The following MROH1 variants were observed in gnomAD, a reference collection of about 807,000 sequenced individuals.
The protein encoded by MROH1 is maestro heat like repeat family member 1.
In MROH1, 117 loss-of-function variants were observed where a neutral mutation model predicts 116.5. The observed-to-expected ratio is 1.00, with a 90% CI of 0.86 to 1.17. The LOEUF (loss-of-function observed/expected upper bound fraction) is 1.17. MROH1 is among the 50% of genes most tolerant of loss of function. The pLI is 0.00. For missense variants in MROH1, 1,873 were observed against 1,338.5 expected (o/e 1.40, Z -6.23); for synonymous variants, 921 against 583.9 (o/e 1.58, Z -8.32).
chr8:144,178,411 C>T (rs943085796), intron 4 of MROH1, among the ~76,000 whole-genome samples: 20 of 148,376 alleles, frequency 1.3e-4, no homozygotes, highest in Non-Finnish European at 2.4e-4. Context: ...AGATTACAGG[C>T]GTGAGCCACC....
intron 12 of MROH1, chr8:144,213,079 G>A (rs373393781): frequency 5.8e-5 from 45 of 778,478 alleles, no homozygotes; most frequent in Non-Finnish European, 1.0e-4. Context: ...GTGCTGCTCC[G>A]CAGCCTGCTG....
At chr8:144,256,561 G>A (rs1430503836) in intron 35 of MROH1, among the ~76,000 whole-genome samples, 5 of 152,354 alleles carry the variant, frequency 3.3e-5, no homozygotes, top group Admixed American at 6.5e-5. Flanking sequence ...AGTGGAAAAT[G>A]TGAATGGGAT....
At chr8:144,222,731 C>T (rs1310852337) in intron 13 of MROH1, among the ~76,000 whole-genome samples, 2 of 151,924 alleles carry the variant, frequency 1.3e-5, no homozygotes, top group Admixed American at 6.6e-5. Context: ...GATGCAGGCA[C>T]AGGTGCAAGT....
In MROH1 at chr8:144,215,904, G is replaced by C. The variant is rs186365647; in HGVS notation, c.1142-4696G>C. ...AAAAAAAAGAAAAATAATGAAACAC[G>C]GGCTGGGTGCGGTGGCTCACGCCTG... On this transcript the variant is annotated intron_variant, in intron 12 of 43. Transcript: ENST00000326134. Among the ~76,000 whole-genome samples the C allele has an allele frequency of 2.2e-3, 308 of 140,052 alleles. 1 individual carries two copies. Among genetic ancestry groups the C allele is most frequent in the African/African-American group, 7.8e-3 (295 of 37,612 alleles). 91.9% of individuals were successfully genotyped at this position (140,052 alleles called of 152,430 possible).
chr8:144,246,099 CTTCCTTTCT>C (rs1400021184), intron 29 of MROH1, among the ~76,000 whole-genome samples: 20 of 128,614 alleles, frequency 1.6e-4, no homozygotes, highest in East Asian at 5.3e-4. Context: ...CCTTTCCTTC[CTTCCTTTCT>C]TTCCTTTCTT....
At chr8:144,178,293 G>A (rs993803749) in intron 4 of MROH1, among the ~76,000 whole-genome samples, 14 of 152,176 alleles carry the variant, frequency 9.2e-5, no homozygotes, top group African/African-American at 2.9e-4. Context: ...CACCACACAC[G>A]GCTAATTTTT....
At position 144,163,916 on chromosome 8, in the gene MROH1, C is replaced by A; in HGVS notation, c.22+68C>A. ...CTTGCCTCTGGGTGGTCAGGGCAGG[C>A]CAAGGCTCTTACCAGCTCCAATGGT... On this transcript the variant is annotated intron_variant, in intron 3 of 43. Coordinates refer to ENST00000326134, the MANE Select transcript of MROH1 (RefSeq NM_032450.3). This position sits in a 1 kb window ranked among gnomAD's most constrained non-coding sequence, Gnocchi z 4.4. 2 of 1,556,924 alleles carry A rather than the reference C, an allele frequency of 1.3e-6. No individual in the cohort carries two copies. The highest frequency in any genetic ancestry group is 1.8e-6 in the Non-Finnish European group (2 of 1,131,636).
chr8:144,248,835 G>T (rs1235905118), intron 31 of MROH1, 42 bp from the exon 32 acceptor site: 4 of 770,258 alleles, frequency 5.2e-6, no homozygotes, highest in African/African-American at 3.4e-5. Flanking sequence ...GGCGTTGGGG[G>T]TGCCCCCCTT....
chr8:144,202,878 T>C (rs1391801116), intron 12 of MROH1, among the ~76,000 whole-genome samples: 1 of 47,000 alleles, frequency 2.1e-5, no homozygotes, highest in Non-Finnish European at 3.9e-5. Flanking sequence ...CCAATGTCTG[T>C]GGAGGGGCAG....
At chr8:144,225,910 G>GTTTTTTTT (rs764956904) in intron 14 of MROH1, among the ~76,000 whole-genome samples, 1 of 87,554 alleles carries the variant, frequency 1.1e-5, no homozygotes, top group Non-Finnish European at 2.1e-5. Context: ...TTCATTTTTA[G>GTTTTTTTT]TTTTTTTTTT....
intron 10 of MROH1, among the ~76,000 whole-genome samples, chr8:144,195,277 A>C (rs553221800): frequency 7.5e-4 from 109 of 145,716 alleles, no homozygotes; most frequent in Non-Finnish European, 9.0e-4. Flanking sequence ...CAAGGCAGGC[A>C]GATCACGAGG....
In MROH1 at chr8:144,260,189, C is replaced by G; in HGVS notation, c.4195C>G (p.Arg1399Gly). 1.3e-6 allele frequency: 1 copy of G among 764,836 alleles called. No individual in the cohort carries two copies. The highest frequency in any genetic ancestry group is 1.7e-5 in the Admixed American group (1 of 58,986). 47.4% of individuals were successfully genotyped at this position (764,836 alleles called of 1,614,324 possible). The change falls in exon 39 of 44, where the codon CGA becomes GGA. Residue 1399 changes from arginine (R) to glycine (G), a missense_variant. Coordinates refer to ENST00000326134, the MANE Select transcript of MROH1 (RefSeq NM_032450.3). ...GCTGAGTGTAAGGTATCCTCAGGTG[C>G]GAACCCACGGCCCCCAGCTCCTCAC... is the stretch of plus-strand genomic sequence containing the variant. Reference protein sequence around the residue: ...NLASGCPDKVRTHGPQLLTAM... With the variant: ...NLASGCPDKVGTHGPQLLTAM...
intron 19 of MROH1, 58 bp downstream of exon 19, chr8:144,240,211 G>T (rs935319186): frequency 3.0e-5 from 21 of 706,766 alleles, no homozygotes; most frequent in East Asian, 1.5e-4. Flanking sequence ...CCTGGGGGGT[G>T]CTGGGGTGGC....
At chr8:144,243,379 T>G in intron 24 of MROH1, 115 bp from the exon 25 acceptor site, 1 of 709,896 alleles carries the variant, frequency 1.4e-6, no homozygotes, top group Non-Finnish European at 2.6e-6. Context: ...GCTAGAGAGC[T>G]CCTTTGAGAG....
intron 1 of MROH1, among the ~76,000 whole-genome samples, chr8:144,155,892 C>T (rs970820611): frequency 5.9e-5 from 9 of 151,370 alleles, no homozygotes; most frequent in South Asian, 2.1e-4. Context: ...CTCAGCCTCC[C>T]GGAGTGCTGG....
chr8:144,158,097 A>G (rs1818623846), intron 1 of MROH1, among the ~76,000 whole-genome samples: 1 of 144,452 alleles, frequency 6.9e-6, no homozygotes, highest in East Asian at 2.1e-4. Flanking sequence ...GGTTCAAGCA[A>G]TTCTCCTGTC....
chr8:144,184,714 CG>C, intron 7 of MROH1, among the ~76,000 whole-genome samples: 1 of 152,250 alleles, frequency 6.6e-6, no homozygotes, highest in Non-Finnish European at 1.5e-5. Flanking sequence ...GAAGGGGGTG[CG>C]GGGCAGGCGT....
chr8:144,167,062 C>G lies in MROH1; in HGVS notation c.23-1233C>G, dbSNP rs1285372266. 2.6e-5 allele frequency among the ~76,000 whole-genome samples: 4 copies of G among 152,330 alleles called. No individual in the cohort carries two copies. The East Asian group carries it at 7.7e-4, about 29-fold the overall frequency. ...GTCACGCACTGATGCCTGTGTGTTC[C>G]TCTGCCCCAGCAGGTGCCTCCTGGG... is the stretch of plus-strand genomic sequence containing the variant. On this transcript the variant is annotated intron_variant, in intron 3 of 43. Coordinates refer to ENST00000326134, the MANE Select transcript of MROH1 (RefSeq NM_032450.3).
intron 12 of MROH1, chr8:144,213,240 T>G (rs1159117241): frequency 3.2e-6 from 2 of 628,710 alleles, no homozygotes; most frequent in African/African-American, 3.6e-5. Flanking sequence ...CTGCCACTCT[T>G]GTTGTCCAAA....
Sources: gnomAD v4.1 joint callset for allele counts (sites outside exome capture counted in the v4.1 genomes callset) on GRCh38, gnomAD v4.1.1 for gene constraint, Gnocchi (gnomAD v3.1) non-coding constraint, MANE v1.5 for transcripts, NCBI Gene and HGNC (gene_info 2026-07-23, HGNC 2026-07-21) for gene names.